Variants in FOXJ3 observed in about 807,000 individuals in gnomAD.
FOXJ3 encodes forkhead box protein J3.
FOXJ3 carries 22 observed loss-of-function variants against 76.1 expected under a neutral mutation model. The ratio of observed to expected loss-of-function variants is 0.29; its 90% confidence interval spans 0.21 to 0.41. FOXJ3 has a LOEUF of 0.41. FOXJ3 is among the 10% of genes least tolerant of loss of function. The probability of loss-of-function intolerance (pLI) is 1.00; values close to 1 mark genes in which losing one functional copy is unlikely to be tolerated. For synonymous variants in FOXJ3, 269 were observed against 261.2 expected, an observed-to-expected ratio of 1.03 and a Z score of -0.29; for missense variants, 613 against 762.1, an observed-to-expected ratio of 0.80 and a Z score of 2.30.
intron 4 of FOXJ3, among the ~76,000 whole-genome samples, chr1:42,262,899 C>G (rs564389775): frequency 6.6e-6 from 1 of 152,008 alleles, no homozygotes; most frequent in South Asian, 2.1e-4. Flanking sequence ...CACTTTGAGA[C>G]TGAAAAGAAA....
intron 4 of FOXJ3, among the ~76,000 whole-genome samples, chr1:42,257,563 AAAAATAC>A (rs767326138): frequency 1.4e-4 from 22 of 152,204 alleles, no homozygotes; most frequent in Non-Finnish European, 2.2e-4. Context: ...TGAAAAAGAA[AAAAATAC>A]AAAATACAAA....
intron 2 of FOXJ3, among the ~76,000 whole-genome samples, chr1:42,291,083 T>TAGATAGACAGACAGACAGACAGAC (rs1553167260): frequency 2.0e-3 from 258 of 126,436 alleles, no homozygotes; most frequent in East Asian, 2.6e-3. Flanking sequence ...GATAGATAGA[T>TAGATAGACAGACAGACAGACAGAC]AGACAGACAG....
At chr1:42,231,942 T>TC (rs1288041366) in intron 4 of FOXJ3, among the ~76,000 whole-genome samples, 2 of 152,100 alleles carry the variant, frequency 1.3e-5, no homozygotes, top group Non-Finnish European at 2.9e-5. Context: ...ATGCTATCCT[T>TC]CCCCCCTACC....
At chr1:42,217,209 A>G (rs2124397582) in intron 5 of FOXJ3, among the ~76,000 whole-genome samples, 1 of 152,350 alleles carries the variant, frequency 6.6e-6, no homozygotes, top group South Asian at 2.1e-4. Context: ...TATACTAGCT[A>G]CAAGCAATTG....
chr1:42,330,529 T>G (rs1656096319), intron 1 of FOXJ3, among the ~76,000 whole-genome samples: 1 of 152,126 alleles, frequency 6.6e-6, no homozygotes. Flanking sequence ...TCCCAGCTAC[T>G]TAGGGGGCTG....
intron 4 of FOXJ3, among the ~76,000 whole-genome samples, chr1:42,255,865 T>C (rs550785112): frequency 1.3e-5 from 2 of 152,040 alleles, no homozygotes; most frequent in South Asian, 4.2e-4. Context: ...TACTAAAAAA[T>C]GCAAAAATTA....
intron 2 of FOXJ3, among the ~76,000 whole-genome samples, chr1:42,290,846 A>G (rs1302222240): frequency 1.3e-5 from 2 of 152,112 alleles, no homozygotes; most frequent in African/African-American, 4.8e-5. Flanking sequence ...TGTAAATATG[A>G]ATACCCTAAT....
At position 42,199,186 on chromosome 1, in the gene FOXJ3, G is replaced by A. The variant is rs1467130866; in HGVS notation, c.675C>T (p.Arg225=). Residue 225 remains arginine, a synonymous_variant, in exon 7 of 13, where the codon CGC becomes CGT. Coordinates refer to ENST00000361346, the MANE Select transcript of FOXJ3 (RefSeq NM_014947.5). ...NTDQDGSDSP[R]SSLNNSLSDQ... is the part of the protein sequence containing the mutation. ...CTGAGAGACTGTTGTTAAGGCTACT[G>A]CGTGGGCTATCACTACCATCCTGAT... The A allele has an allele frequency of 6.2e-7, 1 of 1,612,546 alleles. No individual in the cohort carries two copies. The highest frequency in any genetic ancestry group is 1.7e-5 in the Admixed American group (1 of 60,016).
chr1:42,184,876 G>T (rs1401201631), intron 11 of FOXJ3, among the ~76,000 whole-genome samples: 1 of 152,088 alleles, frequency 6.6e-6, no homozygotes, highest in Non-Finnish European at 1.5e-5. Flanking sequence ...AAGTACAAAG[G>T]CCCTGTTTAG....
chr1:42,201,534 G>C (rs889740227), intron 6 of FOXJ3, among the ~76,000 whole-genome samples: 1 of 152,184 alleles, frequency 6.6e-6, no homozygotes, highest in Non-Finnish European at 1.5e-5. Context: ...AACAACAGCA[G>C]ATTTCCTAGT....
chr1:42,264,947 C>A, intron 4 of FOXJ3, 168 bp downstream of exon 4: 1 of 647,986 alleles, frequency 1.5e-6, no homozygotes, highest in African/African-American at 1.9e-5. Context: ...CAGCTATACA[C>A]TAGTTAGGTT....
chr1:42,239,436 T>TG (rs1648953916), intron 4 of FOXJ3, among the ~76,000 whole-genome samples: 1 of 150,278 alleles, frequency 6.7e-6, no homozygotes, highest in Admixed American at 6.6e-5. Flanking sequence ...GTGTTAACCT[T>TG]GGTCAAATAT....
At chr1:42,199,058 A>G (rs751678687) in intron 7 of FOXJ3, 44 bp downstream of exon 7, 2 of 1,518,680 alleles carry the variant, frequency 1.3e-6, no homozygotes, top group African/African-American at 2.7e-5. Context: ...AGTTTTAAGT[A>G]CTAAATGAAT....
intron 11 of FOXJ3, among the ~76,000 whole-genome samples, chr1:42,188,386 C>A (rs1646479008): frequency 6.6e-6 from 1 of 152,144 alleles, no homozygotes; most frequent in African/African-American, 2.4e-5. Context: ...ATTTCCATTG[C>A]AGATCTGTAC....
intron 4 of FOXJ3, among the ~76,000 whole-genome samples, chr1:42,238,790 G>T (rs773273434): frequency 1.1e-4 from 16 of 152,080 alleles, no homozygotes; most frequent in Non-Finnish European, 1.9e-4. Flanking sequence ...CTATCCTCCT[G>T]TCTCAGCCTC....
chr1:42,283,638 C>T (rs1652870802), intron 2 of FOXJ3, among the ~76,000 whole-genome samples: 1 of 152,214 alleles, frequency 6.6e-6, no homozygotes, highest in South Asian at 2.1e-4. Context: ...CATGGCATTT[C>T]ATCTTAAGAC....
chr1:42,260,547 T>C (rs1045373354), intron 4 of FOXJ3, among the ~76,000 whole-genome samples: 5 of 151,950 alleles, frequency 3.3e-5, no homozygotes, highest in African/African-American at 9.7e-5. Flanking sequence ...ACAAAAAATT[T>C]CAAAAACTTA....
chr1:42,273,816 A>G (rs955447481), intron 3 of FOXJ3, among the ~76,000 whole-genome samples: 2 of 152,136 alleles, frequency 1.3e-5, no homozygotes, highest in African/African-American at 4.8e-5. Context: ...GAATTAGTTG[A>G]CAACAGTTAA....
chr1:42,193,139 A>G (rs1646582566), intron 8 of FOXJ3, among the ~76,000 whole-genome samples: 1 of 152,136 alleles, frequency 6.6e-6, no homozygotes, highest in Non-Finnish European at 1.5e-5. Context: ...TAAAACTGAT[A>G]AGTATAATAT....
Sources: gnomAD v4.1 joint callset for allele counts (sites outside exome capture counted in the v4.1 genomes callset) on GRCh38, gnomAD v4.1.1 for gene constraint, MANE v1.5 for transcripts, NCBI Gene and HGNC (gene_info 2026-07-23, HGNC 2026-07-21) for gene names.